The following LIN52 variants were observed in gnomAD, a reference collection of about 807,000 sequenced individuals.
LIN52 encodes the protein lin-52 DREAM MuvB core complex component.
LIN52 carries 4 observed loss-of-function variants against 18.5 expected under a neutral mutation model. The observed-to-expected ratio is 0.22, with a 90% CI of 0.11 to 0.49. LIN52 has a LOEUF of 0.49. Among genes scored for constraint, LIN52 ranks in the 20% least tolerant of loss-of-function variants. The probability of loss-of-function intolerance (pLI) is 0.97; values close to 1 mark genes in which losing one functional copy is unlikely to be tolerated. For missense variants in LIN52, 102 were observed against 139.5 expected, an observed-to-expected ratio of 0.73 and a Z score of 1.35; for synonymous variants, 34 against 45.5, an observed-to-expected ratio of 0.75 and a Z score of 1.02.
intron 5 of LIN52, among the ~76,000 whole-genome samples, chr14:74,145,458 C>T (rs1342537727): frequency 6.6e-6 from 1 of 152,198 alleles, no homozygotes. Context: ...TTGTAGATCA[C>T]CTGATTTGTA....
rs187102545 is a variant in LIN52 at position 74,199,454 on chromosome 14, C to T, written c.*477C>T. The T allele has an allele frequency of 2.0e-5, 3 of 153,602 alleles. No individual in the cohort carries two copies. Among genetic ancestry groups the T allele is most frequent in the African/African-American group, 7.2e-5 (3 of 41,578 alleles). The allele number at this position is 153,602 out of a possible 1,614,324, so 9.5% of individuals were successfully genotyped here. On this transcript the variant is annotated 3_prime_UTR_variant, in exon 6 of 6. Transcript: ENST00000555028. ...GTAGATTCTGGACCAGACCATGCAG[C>T]CTGACCTGTGAACTCTCCAGTATAT...
chr14:74,096,678 CAG>C (rs1250397400), intron 3 of LIN52, among the ~76,000 whole-genome samples: 2 of 151,970 alleles, frequency 1.3e-5, no homozygotes, highest in African/African-American at 4.8e-5. Context: ...TTGTGCATGA[CAG>C]AATCATCAAC....
chr14:74,158,636 G>T (rs912014871), intron 5 of LIN52, among the ~76,000 whole-genome samples: 2 of 151,912 alleles, frequency 1.3e-5, no homozygotes, highest in Non-Finnish European at 2.9e-5. Context: ...GTGCCACCAC[G>T]CCCGGCTAAT....
rs528453988 is a variant in LIN52 at position 74,187,956 on chromosome 14, T to C, written c.284-10966T>C. On this transcript the variant is annotated intron_variant, in intron 5 of 5. Transcript: ENST00000555028. ...TCTGAGATCACTAATACGTGATGGA[T>C]TTACACCTAAGGTAGATTTAAATCC... is the stretch of plus-strand genomic sequence containing the variant. Among the ~76,000 whole-genome samples the C allele has an allele frequency of 3.3e-5, 5 of 152,334 alleles. No individual in the cohort carries two copies. The East Asian group carries it at 9.6e-4, about 29-fold the overall frequency.
intron 5 of LIN52, among the ~76,000 whole-genome samples, chr14:74,196,931 A>G (rs2078915940): frequency 6.6e-6 from 1 of 152,172 alleles, no homozygotes; most frequent in Admixed American, 6.5e-5. Context: ...TGAAACTTAA[A>G]CTGAGTTCAA....
chr14:74,196,658 G>A (rs145995328), intron 5 of LIN52, among the ~76,000 whole-genome samples: 5 of 152,068 alleles, frequency 3.3e-5, no homozygotes, highest in East Asian at 3.9e-4. Context: ...TCCAAGGAAC[G>A]GAGTTTTGTT....
intron 5 of LIN52, among the ~76,000 whole-genome samples, chr14:74,141,641 G>A (rs993717414): frequency 1.3e-5 from 2 of 152,190 alleles, no homozygotes; most frequent in Non-Finnish European, 2.9e-5. Flanking sequence ...AAGCTTTTAG[G>A]GGGGAGGTAG....
intron 5 of LIN52, among the ~76,000 whole-genome samples, chr14:74,142,580 T>G (rs1221316977): frequency 6.6e-6 from 1 of 151,676 alleles, no homozygotes; most frequent in Non-Finnish European, 1.5e-5. Flanking sequence ...AAATAAAATT[T>G]AAAATCTAAT....
At chr14:74,180,252 G>A (rs761236620) in intron 5 of LIN52, among the ~76,000 whole-genome samples, 6 of 145,836 alleles carry the variant, frequency 4.1e-5, no homozygotes, top group Non-Finnish European at 6.0e-5. Flanking sequence ...GCTCAAAGGA[G>A]GGAGGAGGAA....
chr14:74,120,025 G>A (rs1413747686), intron 5 of LIN52, among the ~76,000 whole-genome samples: 1 of 151,636 alleles, frequency 6.6e-6, no homozygotes, highest in East Asian at 2.0e-4. Flanking sequence ...TAGTAAAGAT[G>A]GAGTTTCACC....
At chr14:74,158,823 C>CT (rs2061212024) in intron 5 of LIN52, among the ~76,000 whole-genome samples, 1 of 152,216 alleles carries the variant, frequency 6.6e-6, no homozygotes, top group Admixed American at 6.5e-5. Flanking sequence ...TTATTTAACT[C>CT]TATCACCACA....
At chr14:74,123,068 T>C (rs749620057) in intron 5 of LIN52, among the ~76,000 whole-genome samples, 3 of 152,188 alleles carry the variant, frequency 2.0e-5, no homozygotes, top group Non-Finnish European at 4.4e-5. Context: ...TCTTAATAAG[T>C]TCTTAAAAAC....
intron 5 of LIN52, among the ~76,000 whole-genome samples, chr14:74,143,479 A>C (rs1366204054): frequency 2.0e-5 from 3 of 152,192 alleles, no homozygotes. Flanking sequence ...ATTTGAGCCC[A>C]AGAAGCAGAG....
intron 5 of LIN52, among the ~76,000 whole-genome samples, chr14:74,192,156 G>A (rs1167270834): frequency 6.6e-6 from 1 of 152,148 alleles, no homozygotes; most frequent in Non-Finnish European, 1.5e-5. Context: ...TGCTATGTAT[G>A]TGCTTACTTG....
intron 5 of LIN52, among the ~76,000 whole-genome samples, chr14:74,162,244 G>A (rs1036981275): frequency 1.6e-4 from 24 of 152,124 alleles, no homozygotes; most frequent in Non-Finnish European, 3.2e-4. Context: ...GGGAGGCTGA[G>A]GTGGACAGAT....
intron 1 of LIN52, among the ~76,000 whole-genome samples, chr14:74,089,026 T>G (rs2060753829): frequency 6.6e-6 from 1 of 152,114 alleles, no homozygotes; most frequent in African/African-American, 2.4e-5. Flanking sequence ...GATTGACGTT[T>G]AAAAAAATCA....
intron 5 of LIN52, among the ~76,000 whole-genome samples, chr14:74,181,129 GAAAAAA>G (rs2061317003): frequency 1.6e-5 from 2 of 127,868 alleles, no homozygotes; most frequent in Non-Finnish European, 3.3e-5. Flanking sequence ...AAAAAAAAAA[GAAAAAA>G]GAAAAGAAAA....
intron 5 of LIN52, among the ~76,000 whole-genome samples, chr14:74,157,491 G>T (rs1418024637): frequency 6.7e-6 from 1 of 150,192 alleles, no homozygotes; most frequent in African/African-American, 2.4e-5. Flanking sequence ...TTTAGAGACA[G>T]GGTCTCACTC....
chr14:74,161,538 A>G (rs2061224896), intron 5 of LIN52, among the ~76,000 whole-genome samples: 1 of 152,262 alleles, frequency 6.6e-6, no homozygotes, highest in Non-Finnish European at 1.5e-5. Context: ...AAGGTGGTTA[A>G]CTTCTGAAAG....
Sources: allele counts gnomAD v4.1 joint callset (sites outside exome capture counted in the v4.1 genomes callset), GRCh38; gene constraint gnomAD v4.1.1; transcripts MANE v1.5; gene names NCBI Gene and HGNC (gene_info 2026-07-23, HGNC 2026-07-21).